Variants in VAV2 observed in about 807,000 individuals in gnomAD.
VAV2 encodes the protein guanine nucleotide exchange factor VAV2.
A neutral mutation model predicts 132.5 loss-of-function variants in VAV2; 67 were observed. That is an observed-to-expected ratio of 0.51 (90% CI 0.42 to 0.62). VAV2 has a LOEUF of 0.62. Among genes scored for constraint, VAV2 ranks in the 20% least tolerant of loss-of-function variants. The pLI, the probability that VAV2 is intolerant of heterozygous loss-of-function variation, is 0.00. For synonymous variants in VAV2, 492 were observed against 443.5 expected, an observed-to-expected ratio of 1.11 and a Z score of -1.37; for missense variants, 938 against 1,153.6, an observed-to-expected ratio of 0.81 and a Z score of 2.71.
rs970728322 is a variant in VAV2 at position 133,823,209 on chromosome 9, T to A, written c.450-10993A>T. ...TCTCTGTGCTCTGCTCCTTTATGAA[T>A]GACCCTTATGGAGCGTTTATCTCAG... On this transcript the variant is annotated intron_variant, in intron 4 of 29. Transcript: ENST00000371850. This position sits in a 1 kb window ranked among gnomAD's most constrained non-coding sequence, Gnocchi z 5.5. Among the ~76,000 whole-genome samples, 1 of 152,200 alleles carries A rather than the reference T, an allele frequency of 6.6e-6. No individual in the cohort carries two copies. Among genetic ancestry groups the A allele is most frequent in the African/African-American group, 2.4e-5 (1 of 41,444 alleles).
chr9:133,787,179 G>A, intron 16 of VAV2, 67 bp downstream of exon 16: 1 of 1,475,642 alleles, frequency 6.8e-7, no homozygotes, highest in Non-Finnish European at 9.1e-7. Context: ...CTGGCTCCGG[G>A]CAGAAGTGCC....
intron 3 of VAV2, among the ~76,000 whole-genome samples, chr9:133,852,097 G>A (rs893474264): frequency 2.0e-5 from 3 of 152,086 alleles, no homozygotes; most frequent in Admixed American, 1.3e-4. Context: ...GTGGACAGAT[G>A]GACAAACTGA....
At chr9:133,984,753 CA>C (rs1842798638) in intron 1 of VAV2, among the ~76,000 whole-genome samples, 1 of 152,048 alleles carries the variant, frequency 6.6e-6, no homozygotes, top group Admixed American at 6.6e-5. Context: ...CCTAAAAATA[CA>C]AACATTAGCC....
intron 3 of VAV2, among the ~76,000 whole-genome samples, chr9:133,852,818 C>T (rs182658099): frequency 5.9e-5 from 9 of 152,302 alleles, no homozygotes; most frequent in African/African-American, 1.9e-4. Context: ...TGTTCCCTAG[C>T]CCTGCCACTC....
intron 12 of VAV2, among the ~76,000 whole-genome samples, chr9:133,795,415 G>C (rs540650041): frequency 6.6e-6 from 1 of 152,130 alleles, no homozygotes; most frequent in African/African-American, 2.4e-5. Flanking sequence ...GAGGCTCAAG[G>C]GAGGTCTTGT....
intron 1 of VAV2, among the ~76,000 whole-genome samples, chr9:133,975,354 C>T (rs1346359492): frequency 6.6e-6 from 1 of 152,226 alleles, no homozygotes; most frequent in African/African-American, 2.4e-5. Context: ...TCCCTCCCTA[C>T]CTGGCCTCCC....
intron 24 of VAV2, 47 bp from the exon 25 acceptor site, chr9:133,775,098 G>A (rs377376282): frequency 4.6e-6 from 7 of 1,521,372 alleles, no homozygotes; most frequent in Non-Finnish European, 6.2e-6. Flanking sequence ...TGAGGACAGT[G>A]TCTGAGGGGT....
intron 17 of VAV2, 23 bp from the exon 18 acceptor site, chr9:133,784,441 G>C (rs748948648): frequency 1.2e-6 from 2 of 1,612,866 alleles, no homozygotes; most frequent in Admixed American, 3.3e-5. Context: ...AAAGAGAGCA[G>C]ATGCTACACC....
At chr9:133,770,316 G>T in intron 27 of VAV2, 62 bp downstream of exon 27, 1 of 1,606,720 alleles carries the variant, frequency 6.2e-7, no homozygotes, top group Non-Finnish European at 8.5e-7. Context: ...TGAGCCCTGG[G>T]AAGTGGGCCA....
intron 17 of VAV2, 51 bp downstream of exon 17, chr9:133,785,725 C>G: frequency 1.9e-6 from 3 of 1,563,518 alleles, no homozygotes; most frequent in Non-Finnish European, 1.8e-6. Context: ...GCTTCCACCC[C>G]CCATACAACT....
intron 1 of VAV2, among the ~76,000 whole-genome samples, chr9:133,977,140 G>T (rs1167055200): frequency 6.6e-6 from 1 of 152,200 alleles, no homozygotes; most frequent in African/African-American, 2.4e-5. Context: ...TCCAGCTCTG[G>T]AATGAAAACA....
In VAV2 at chr9:133,802,532, G is replaced by A. The variant is rs959673205; in HGVS notation, c.836+3549C>T. Among the ~76,000 whole-genome samples the A allele has an allele frequency of 3.3e-5, 5 of 152,060 alleles. No homozygotes were observed. The highest frequency in any genetic ancestry group is 3.2e-3 in the Middle Eastern group (1 of 316). ...GTGGTCACCTTGCAAGGCACGGCCC[G>A]CCGTGTCCAGCATCCTGCCCGACCT... On this transcript the variant is annotated intron_variant, in intron 9 of 29. Transcript: ENST00000371850. This position sits in a 1 kb window ranked among gnomAD's most constrained non-coding sequence, Gnocchi z 5.8.
At chr9:133,785,140 A>C (rs1055624128) in intron 17 of VAV2, among the ~76,000 whole-genome samples, 3 of 152,056 alleles carry the variant, frequency 2.0e-5, no homozygotes, top group Non-Finnish European at 2.9e-5. Context: ...CGATCCTCCC[A>C]AAAAGGCCAG....
chr9:133,769,516 G>T lies in VAV2; in HGVS notation c.2348-13C>A. 3 of 1,607,944 alleles carry T rather than the reference G, an allele frequency of 1.9e-6. No individual in the cohort carries two copies. Among genetic ancestry groups the T allele is most frequent in the Non-Finnish European group, 1.7e-6 (2 of 1,177,172 alleles). The stretch of plus-strand genomic sequence containing the variant: ...GAAGCACAGGAAGCTGCAAAGAGGC[G>T]AGAGAGAACGTGAGGCGGGCAGCAG... On this transcript the variant is annotated splice_polypyrimidine_tract_variant and intron_variant, in intron 27 of 29. Transcript: ENST00000371850. This position sits in a 1 kb window ranked among gnomAD's most constrained non-coding sequence, Gnocchi z 8.1.
rs1466077493 is a variant in VAV2, at chr9:133,991,754, GC to G, written c.204+320del. Among the ~76,000 whole-genome samples the G allele has an allele frequency of 1.3e-5, 2 of 151,330 alleles. No homozygotes were observed. The highest frequency in any genetic ancestry group is 4.8e-5 in the African/African-American group (2 of 41,460). On this transcript the variant is annotated intron_variant, in intron 1 of 29. Transcript: ENST00000371850. The surrounding 1 kb of genome is among the most constrained non-coding windows in gnomAD (Gnocchi z 4.8). ...CTCCCTGGGAAATGAGGGGCCACTCGCAGGGCCCCGCAGAGCGAGCGCAGCG... is the reference window on the plus strand; with the variant it reads ...CTCCCTGGGAAATGAGGGGCCACTCGAGGGCCCCGCAGAGCGAGCGCAGCG...
At chr9:133,838,362 G>A (rs942378848) in intron 3 of VAV2, among the ~76,000 whole-genome samples, 4 of 150,594 alleles carry the variant, frequency 2.7e-5, no homozygotes, top group African/African-American at 7.4e-5. Context: ...GGATGGATGA[G>A]TAGGTGGAGG....
At chr9:133,810,239 C>A (rs55662449) in intron 5 of VAV2, 34 bp from the exon 6 acceptor site, 6 of 1,612,852 alleles carry the variant, frequency 3.7e-6, no homozygotes, top group African/African-American at 1.3e-5. Context: ...GAAACAGCGC[C>A]GGTTAGCAGG....
chr9:133,918,647 G>T lies in VAV2; in HGVS notation c.321+20456C>A, dbSNP rs1019573039. Among the ~76,000 whole-genome samples the T allele has an allele frequency of 2.0e-5, 3 of 152,060 alleles. No individual in the cohort carries two copies. The highest frequency in any genetic ancestry group is 2.0e-4 in the Admixed American group (3 of 15,266). ...CACAGAGTCATGTAGCATGCCCGAG[G>T]TCGCGCCTTTAATAAACACACAGGC... On this transcript the variant is annotated intron_variant, in intron 2 of 29. Transcript: ENST00000371850. This position sits in a 1 kb window ranked among gnomAD's most constrained non-coding sequence, Gnocchi z 4.7.
chr9:133,971,865 A>G (rs1198335256), intron 1 of VAV2, among the ~76,000 whole-genome samples: 1 of 152,172 alleles, frequency 6.6e-6, no homozygotes, highest in Non-Finnish European at 1.5e-5. Flanking sequence ...ATCCCCGTAG[A>G]GTGCACAGAC....
Sources: gnomAD v4.1 joint callset for allele counts (sites outside exome capture counted in the v4.1 genomes callset) on GRCh38, gnomAD v4.1.1 for gene constraint, Gnocchi (gnomAD v3.1) non-coding constraint, MANE v1.5 for transcripts, NCBI Gene and HGNC (gene_info 2026-07-23, HGNC 2026-07-21) for gene names.